Variants in OR5AP2 observed in about 807,000 individuals in gnomAD.
OR5AP2 encodes olfactory receptor 5AP2.
For synonymous variants in OR5AP2, 142 were observed against 140.8 expected, an observed-to-expected ratio of 1.01 and a Z score of -0.06; for missense variants, 409 against 378.9, an observed-to-expected ratio of 1.08 and a Z score of -0.66.
rs1296027420 is a variant in OR5AP2 at position 56,642,348 on chromosome 11, C to G, written c.92G>C (p.Gly31Ala). The change falls in exon 1 of 1, where the codon GGA becomes GCA. Residue 31 changes from glycine to alanine, a missense_variant. By Grantham distance (60) the Gly-to-Ala change is moderately conservative. Coordinates refer to ENST00000544374, the MANE Select transcript of OR5AP2 (RefSeq NM_001002925.1). Reference protein sequence around the residue: ...LGLSDNPDLQGVLFALFLLIY... With the variant: ...LGLSDNPDLQAVLFALFLLIY... ...CAACAGAAACAATGCAAAGAGGACTCCTTGTAGATCTGGATTGTCGGAAAG... is the reference window on the plus strand; with the variant it reads ...CAACAGAAACAATGCAAAGAGGACTGCTTGTAGATCTGGATTGTCGGAAAG... 6.2e-7 allele frequency: 1 copy of G among 1,612,346 alleles called. No individual in the cohort carries two copies. Among genetic ancestry groups the G allele is most frequent in the Non-Finnish European group, 8.5e-7 (1 of 1,179,938 alleles).
rs1469961570 is a variant in OR5AP2, at chr11:56,641,575, G to T, written c.865C>A (p.Pro289Thr). Reference sequence around the variant, plus strand: ...CTATAGATGAGGGGATTTAGCACAGGGATTATTACTGTATAAAAGACAGAG... The same window carrying T: ...CTATAGATGAGGGGATTTAGCACAGTGATTATTACTGTATAAAAGACAGAG... ...VVSVFYTVII[P>T]VLNPLIYSLK... is the part of the protein sequence containing the mutation. Residue 289 changes from proline (P) to threonine (T), a missense_variant, in exon 1 of 1, where the codon CCT becomes ACT. Transcript: ENST00000544374. The T allele has an allele frequency of 6.2e-7, 1 of 1,613,162 alleles. No individual in the cohort carries two copies. Among genetic ancestry groups the T allele is most frequent in the Admixed American group, 1.7e-5 (1 of 60,010 alleles).
rs1165933194 is a variant in OR5AP2, at chr11:56,641,586, G to A, written c.854C>T (p.Thr285Ile). 2 of 1,613,090 alleles carry A rather than the reference G, an allele frequency of 1.2e-6. No homozygotes were observed. The highest frequency in any genetic ancestry group is 1.3e-5 in the African/African-American group (1 of 74,976). Residue 285 changes from threonine to isoleucine, a missense_variant, in exon 1 of 1, where the codon ACA becomes ATA. Physicochemically the swap from Thr to Ile is moderately conservative, Grantham distance 89 (BLOSUM62 -1). Coordinates refer to ENST00000544374, the MANE Select transcript of OR5AP2 (RefSeq NM_001002925.1). The stretch of plus-strand genomic sequence containing the variant: ...GGGATTTAGCACAGGGATTATTACT[G>A]TATAAAAGACAGAGACAACCTTGTC... ...EQDKVVSVFY[T>I]VIIPVLNPLI...
rs544463874 is a variant in OR5AP2 at position 56,641,638 on chromosome 11, G to C, written c.802C>G (p.Pro268Ala). The C allele has an allele frequency of 1.4e-5, 22 of 1,614,080 alleles. No individual in the cohort carries two copies. The South Asian group carries it at 1.8e-4, about 13-fold the overall frequency. The change falls in exon 1 of 1, where the codon CCT (proline) becomes GCT (alanine). Residue 268 changes from proline (P) to alanine (A), a missense_variant. Transcript: ENST00000544374. ...FGTILFMYLR[P>A]TSSYSMEQDK... ...TGCTCCATTGAGTAGCTAGATGTAGGGCGCAAGTACATGAAGAGGATTGTT... is the reference window on the plus strand; with the variant it reads ...TGCTCCATTGAGTAGCTAGATGTAGCGCGCAAGTACATGAAGAGGATTGTT...
chr11:56,642,061 C>T lies in OR5AP2; in HGVS notation c.379G>A (p.Asp127Asn), dbSNP rs758852057. 2 of 1,614,026 alleles carry T rather than the reference C, an allele frequency of 1.2e-6. No individual in the cohort carries two copies. The highest frequency in any genetic ancestry group is 1.1e-5 in the South Asian group (1 of 91,032). Residue 127 changes from aspartate to asparagine, a missense_variant, in exon 1 of 1, where the codon GAC becomes AAC. By Grantham distance (23) the Asp-to-Asn change is conservative (BLOSUM62 1). Coordinates refer to ENST00000544374, the MANE Select transcript of OR5AP2 (RefSeq NM_001002925.1). ...ECFLLAMMAY[D>N]RYAAIWNPLL... ...GGGTTCCAAATGGCTGCATAGCGGT[C>T]ATATGCCATCATGGCCAACAGGAAG...
Position 56,641,490 on chromosome 11 carries a change from T to C in OR5AP2, c.950A>G (p.Ter317TrpextTer?). Residue 317 changes from the stop codon to tryptophan, a stop_lost, in exon 1 of 1, where the codon TAG (stop) becomes TGG (tryptophan). Transcript: ENST00000544374. ...TAACAAATGATGGGTAACATGGCTC[T>C]ACAAGATGTGTTTCCATAAGATCTT... ...LKKILWKHIL[*>W] is the part of the protein sequence containing the mutation. 6.5e-7 allele frequency: 1 copy of C among 1,540,512 alleles called. No individual in the cohort carries two copies. The highest frequency in any genetic ancestry group is 8.9e-7 in the Non-Finnish European group (1 of 1,118,478).
chr11:56,641,686 T>C lies in OR5AP2; in HGVS notation c.754A>G (p.Met252Val). 1.2e-6 allele frequency: 2 copies of C among 1,614,142 alleles called. No homozygotes were observed. The highest frequency in any genetic ancestry group is 1.7e-6 in the Non-Finnish European group (2 of 1,180,032). Residue 252 changes from methionine (M) to valine (V), a missense_variant, in exon 1 of 1, where the codon ATG becomes GTG. Physicochemically the swap from Met to Val is conservative, Grantham distance 21. Transcript: ENST00000544374. ...KAFSTCASYL[M>V]AVTIFFGTIL... ...GTTCCAAAGAATATGGTGACAGCCA[T>C]GAGGTAAGAGGCACAGGTGGAGAAG...
In OR5AP2 at chr11:56,642,391, C is replaced by G. The variant is rs758667451; in HGVS notation, c.49G>C (p.Glu17Gln). The change falls in exon 1 of 1, where the codon GAA becomes CAA. Residue 17 changes from glutamate (E) to glutamine (Q), a missense_variant. Glu to Gln is a conservative substitution (Grantham distance 29). Coordinates refer to ENST00000544374, the MANE Select transcript of OR5AP2 (RefSeq NM_001002925.1). ...TCGGAAAGTCCTAAGAGGAGAAATT[C>G]TGTTACTTCTGTTTGATTTCTGCCT... Reference protein sequence around the residue: ...VRGRNQTEVTEFLLLGLSDNP... With the variant: ...VRGRNQTEVTQFLLLGLSDNP... 1.9e-6 allele frequency: 3 copies of G among 1,606,240 alleles called. No individual in the cohort carries two copies. Among genetic ancestry groups the G allele is most frequent in the South Asian group, 2.2e-5 (2 of 90,992 alleles).
Position 56,641,873 on chromosome 11 carries a change from T to C in OR5AP2, c.567A>G (p.Pro189=). ...RINHFYCDTP[P]LLKLSCSDTH... ...TATCAGAGCAAGAGAGTTTGAGCAG[T>C]GGCGGGGTGTCACAGTAGAAATGGT... Residue 189 remains proline, a synonymous_variant, in exon 1 of 1, where the codon CCA becomes CCG. Coordinates refer to ENST00000544374, the MANE Select transcript of OR5AP2 (RefSeq NM_001002925.1). 6.2e-7 allele frequency: 1 copy of C among 1,614,182 alleles called. No homozygotes were observed. Among genetic ancestry groups the C allele is most frequent in the Non-Finnish European group, 8.5e-7 (1 of 1,180,030 alleles).
chr11:56,642,374 T>G lies in OR5AP2; in HGVS notation c.66A>C (p.Gly22=). The change falls in exon 1 of 1, where the codon GGA becomes GGC. Residue 22 remains glycine (G), a synonymous_variant. Coordinates refer to ENST00000544374, the MANE Select transcript of OR5AP2 (RefSeq NM_001002925.1). ...QTEVTEFLLL[G]LSDNPDLQGV... is the part of the protein sequence containing the mutation. ...CTTGTAGATCTGGATTGTCGGAAAG[T>G]CCTAAGAGGAGAAATTCTGTTACTT... is the stretch of plus-strand genomic sequence containing the variant. The G allele has an allele frequency of 6.2e-7, 1 of 1,609,706 alleles. No homozygotes were observed. Among genetic ancestry groups the G allele is most frequent in the African/African-American group, 1.3e-5 (1 of 75,020 alleles).
In OR5AP2 at chr11:56,641,640, C is replaced by T. The variant is rs779510819; in HGVS notation, c.800G>A (p.Arg267His). ...CTCCATTGAGTAGCTAGATGTAGGGCGCAAGTACATGAAGAGGATTGTTCC... is the reference window on the plus strand; with the variant it reads ...CTCCATTGAGTAGCTAGATGTAGGGTGCAAGTACATGAAGAGGATTGTTCC... ...FFGTILFMYL[R>H]PTSSYSMEQD... The change falls in exon 1 of 1, where the codon CGC becomes CAC. Residue 267 changes from arginine (R) to histidine (H), a missense_variant. Physicochemically the swap from Arg to His is conservative, Grantham distance 29. Transcript: ENST00000544374. 5.1e-5 allele frequency: 82 copies of T among 1,613,980 alleles called. No homozygotes were observed. The highest frequency in any genetic ancestry group is 6.6e-5 in the South Asian group (6 of 91,072).
Position 56,642,001 on chromosome 11 carries a change from A to G in OR5AP2, c.439T>C (p.Cys147Arg). The change falls in exon 1 of 1, where the codon TGC becomes CGC. Residue 147 changes from cysteine to arginine, a missense_variant. Cys to Arg is a radical substitution (Grantham distance 180). Coordinates refer to ENST00000544374, the MANE Select transcript of OR5AP2 (RefSeq NM_001002925.1). ...AAGGAGGTAGCTATTAGCAAAAAGC[A>G]AATTCTCCCAGACACGAGAACTGGG... Reference protein sequence around the residue: ...LYPVLVSGRICFLLIATSFLA... With the variant: ...LYPVLVSGRIRFLLIATSFLA... 1.2e-6 allele frequency: 2 copies of G among 1,614,200 alleles called. No homozygotes were observed. Among genetic ancestry groups the G allele is most frequent in the Non-Finnish European group, 8.5e-7 (1 of 1,180,032 alleles).
In OR5AP2 at chr11:56,642,210, G is replaced by C. The variant is rs778786081; in HGVS notation, c.230C>G (p.Ala77Gly). The C allele has an allele frequency of 5.5e-5, 88 of 1,613,964 alleles. No individual in the cohort carries two copies. Among genetic ancestry groups the C allele is most frequent in the Non-Finnish European group, 7.3e-5 (86 of 1,179,968 alleles). ...FFLSSLSFVD[A>G]SYSSSVTPKM... ...GGGAGTGACGGAAGAAGAGTAAGAG[G>C]CATCTACAAAAGAGAGGCTACTGAG... Residue 77 changes from alanine to glycine, a missense_variant, in exon 1 of 1, where the codon GCC becomes GGC. Transcript: ENST00000544374.
At position 56,641,698 on chromosome 11, in the gene OR5AP2, C is replaced by T. The variant is rs199703792; in HGVS notation, c.742G>A (p.Ala248Thr). 1.7e-5 allele frequency: 27 copies of T among 1,614,016 alleles called. No individual in the cohort carries two copies. The highest frequency in any genetic ancestry group is 3.3e-5 in the Admixed American group (2 of 60,016). The stretch of plus-strand genomic sequence containing the variant: ...ATGGTGACAGCCATGAGGTAAGAGG[C>T]ACAGGTGGAGAAGGCTTTGTGCCTG... ...EGRHKAFSTC[A>T]SYLMAVTIFF... Residue 248 changes from alanine (A) to threonine (T), a missense_variant, in exon 1 of 1, where the codon GCC becomes ACC. Physicochemically the swap from Ala to Thr is moderately conservative, Grantham distance 58 (BLOSUM62 0). Coordinates refer to ENST00000544374, the MANE Select transcript of OR5AP2 (RefSeq NM_001002925.1).
chr11:56,642,278 C>T lies in OR5AP2; in HGVS notation c.162G>A (p.Leu54=), dbSNP rs753824386. The part of the protein sequence containing the change: ...NMVGNLGMIV[L]IKIDLCLHTP... Reference sequence around the variant, plus strand: ...TGTGGAGACAGAGATCAATCTTAATCAATACAATCATCCCCAAATTGCCCA... The same window carrying T: ...TGTGGAGACAGAGATCAATCTTAATTAATACAATCATCCCCAAATTGCCCA... The change falls in exon 1 of 1, where the codon TTG becomes TTA. Residue 54 remains leucine, a synonymous_variant. Coordinates refer to ENST00000544374, the MANE Select transcript of OR5AP2 (RefSeq NM_001002925.1). 8 of 1,614,134 alleles carry T rather than the reference C, an allele frequency of 5.0e-6. No individual in the cohort carries two copies. The South Asian group carries it at 8.8e-5, about 18-fold the overall frequency.
Position 56,641,830 on chromosome 11 carries a change from C to T in OR5AP2, c.610G>A (p.Val204Met), listed in dbSNP as rs201356711. Reference sequence around the variant, plus strand: ...ATAAAACTTGAGAATGCCATGATCACAATGCCATTGAAGTGGGTATCAGAG... The same window carrying T: ...ATAAAACTTGAGAATGCCATGATCATAATGCCATTGAAGTGGGTATCAGAG... ...SCSDTHFNGIVIMAFSSFIVI... is the reference protein window; with the variant it reads ...SCSDTHFNGIMIMAFSSFIVI... The change falls in exon 1 of 1, where the codon GTG (valine) becomes ATG (methionine). Residue 204 changes from valine (V) to methionine (M), a missense_variant. By Grantham distance (21) the Val-to-Met change is conservative. Coordinates refer to ENST00000544374, the MANE Select transcript of OR5AP2 (RefSeq NM_001002925.1). 6.2e-7 allele frequency: 1 copy of T among 1,614,102 alleles called. No individual in the cohort carries two copies. The highest frequency in any genetic ancestry group is 8.5e-7 in the Non-Finnish European group (1 of 1,179,958).
Position 56,641,929 on chromosome 11 carries a change from T to C in OR5AP2, c.511A>G (p.Arg171Gly). 6.2e-7 allele frequency: 1 copy of C among 1,614,194 alleles called. No individual in the cohort carries two copies. The highest frequency in any genetic ancestry group is 8.5e-7 in the Non-Finnish European group (1 of 1,180,024). ...NAAIHTGMTF[R>G]LSFCGSNRIN... ...CTATTAGAACCACAAAAGGACAACC[T>C]AAAAGTCATCCCTGTATGTATGGCT... is the stretch of plus-strand genomic sequence containing the variant. The change falls in exon 1 of 1, where the codon AGG becomes GGG. Residue 171 changes from arginine (R) to glycine (G), a missense_variant. Coordinates refer to ENST00000544374, the MANE Select transcript of OR5AP2 (RefSeq NM_001002925.1).
rs745826090 is a variant in OR5AP2 at position 56,642,130 on chromosome 11, C to A, written c.310G>T (p.Ala104Ser). ...ENKAISFHGC[A>S]AQFYFFGSFL... ...GAGCCAAAGAAGTAGAACTGGGCAG[C>A]ACATCCATGAAAAGAAATGGCCTTA... The change falls in exon 1 of 1, where the codon GCT becomes TCT. Residue 104 changes from alanine to serine, a missense_variant. Physicochemically the swap from Ala to Ser is moderately conservative, Grantham distance 99 (BLOSUM62 1). Coordinates refer to ENST00000544374, the MANE Select transcript of OR5AP2 (RefSeq NM_001002925.1). 6.2e-7 allele frequency: 1 copy of A among 1,614,118 alleles called. No individual in the cohort carries two copies. The highest frequency in any genetic ancestry group is 8.5e-7 in the Non-Finnish European group (1 of 1,180,036).
Position 56,641,644 on chromosome 11 carries a change from A to G in OR5AP2, c.796T>C (p.Leu266=), listed in dbSNP as rs1460339928. The G allele has an allele frequency of 6.2e-7, 1 of 1,614,146 alleles. No individual in the cohort carries two copies. Among genetic ancestry groups the G allele is most frequent in the Non-Finnish European group, 8.5e-7 (1 of 1,180,028 alleles). Reference sequence around the variant, plus strand: ...ATTGAGTAGCTAGATGTAGGGCGCAAGTACATGAAGAGGATTGTTCCAAAG... The same window carrying G: ...ATTGAGTAGCTAGATGTAGGGCGCAGGTACATGAAGAGGATTGTTCCAAAG... ...IFFGTILFMY[L]RPTSSYSMEQ... is the part of the protein sequence containing the mutation. Residue 266 remains leucine, a synonymous_variant, in exon 1 of 1, where the codon TTG becomes CTG. Coordinates refer to ENST00000544374, the MANE Select transcript of OR5AP2 (RefSeq NM_001002925.1).
rs1306272403 is a variant in OR5AP2, at chr11:56,642,224, G to C, written c.216C>G (p.Leu72=). Residue 72 remains leucine, a synonymous_variant, in exon 1 of 1, where the codon CTC becomes CTG. Transcript: ENST00000544374. The stretch of plus-strand genomic sequence containing the variant: ...AAGAGTAAGAGGCATCTACAAAAGA[G>C]AGGCTACTGAGAAAGAAATACATGG... ...HTPMYFFLSS[L]SFVDASYSSS... The C allele has an allele frequency of 1.2e-6, 2 of 1,614,012 alleles. No homozygotes were observed. Among genetic ancestry groups the C allele is most frequent in the Admixed American group, 1.7e-5 (1 of 59,998 alleles).
Sources: allele counts gnomAD v4.1 joint callset, GRCh38; gene constraint gnomAD v4.1.1; transcripts MANE v1.5; gene names NCBI Gene and HGNC (gene_info 2026-07-23, HGNC 2026-07-21).